The following DOK5 variants were observed in gnomAD, a reference collection of about 807,000 sequenced individuals.
DOK5 encodes the protein downstream of tyrosine kinase 5.
DOK5 carries 27 observed loss-of-function variants against 43.3 expected under a neutral mutation model. That is an observed-to-expected ratio of 0.62 (90% CI 0.46 to 0.86). DOK5 has a LOEUF of 0.86. Among genes scored for constraint, DOK5 ranks in the 40% least tolerant of loss-of-function variants. DOK5 has a pLI of 0.00. For missense variants in DOK5, 373 were observed against 392.9 expected (o/e 0.95, Z 0.43); for synonymous variants, 146 against 140.1 (o/e 1.04, Z -0.30).
At chr20:54,638,068 G>A (rs1978921302) in intron 6 of DOK5, among the ~76,000 whole-genome samples, 1 of 149,414 alleles carries the variant, frequency 6.7e-6, no homozygotes, top group South Asian at 2.1e-4. Context: ...CTTGCAGTGA[G>A]CCGAGATCAT....
rs143491762 is a variant in DOK5, at chr20:54,643,485, G to A, written c.763G>A (p.Ala255Thr). The change falls in exon 7 of 8, where the codon GCC (alanine) becomes ACC (threonine). Residue 255 changes from alanine to threonine, a missense_variant. Ala to Thr is a moderately conservative substitution (Grantham distance 58). Transcript: ENST00000262593. ...CCAGATGAAGATGAGTGAGCGGGCC[G>A]CCTCGCTGAGCACCATGGTGCCCCT... Reference protein sequence around the residue: ...MLQMKMSERAASLSTMVPLPR... With the variant: ...MLQMKMSERATSLSTMVPLPR... 667 of 1,613,544 alleles carry A rather than the reference G, an allele frequency of 4.1e-4. 1 individual carries two copies. The Middle Eastern group carries it at 5.1e-3, about 12-fold the overall frequency.
intron 1 of DOK5, among the ~76,000 whole-genome samples, chr20:54,501,520 C>G (rs1254085365): frequency 7.1e-6 from 1 of 141,388 alleles, no homozygotes; most frequent in Non-Finnish European, 1.5e-5. Context: ...AAAAATAAAT[C>G]TGGCAGTGGG....
chr20:54,480,275 C>T (rs760721388), intron 1 of DOK5, among the ~76,000 whole-genome samples: 4 of 150,620 alleles, frequency 2.7e-5, no homozygotes, highest in Non-Finnish European at 2.9e-5. Flanking sequence ...GATAGGAGGT[C>T]GGCACAAGAT....
chr20:54,579,348 G>A (rs776540282), intron 2 of DOK5, among the ~76,000 whole-genome samples: 11 of 150,440 alleles, frequency 7.3e-5, no homozygotes, highest in Non-Finnish European at 1.2e-4. Flanking sequence ...CCTAAAAGTT[G>A]TGTGTGTGCT....
chr20:54,481,027 C>G (rs1490521267), intron 1 of DOK5, among the ~76,000 whole-genome samples: 1,313 of 118,514 alleles, frequency 0.011, 24 homozygotes, highest in African/African-American at 0.019. Context: ...TATCTATCAT[C>G]TATCTATCAT....
chr20:54,585,298 TC>T (rs1729173511), intron 2 of DOK5, among the ~76,000 whole-genome samples: 1 of 152,192 alleles, frequency 6.6e-6, no homozygotes, highest in Admixed American at 6.6e-5. Flanking sequence ...CATTTGCTTC[TC>T]CTGAGCGGGG....
chr20:54,571,633 A>AG (rs1209110427), intron 2 of DOK5, among the ~76,000 whole-genome samples: 1 of 145,992 alleles, frequency 6.8e-6, no homozygotes, highest in African/African-American at 2.5e-5. Flanking sequence ...TCTCTGGGGA[A>AG]GGGGGGTGGG....
intron 5 of DOK5, among the ~76,000 whole-genome samples, chr20:54,610,133 A>C (rs1986598426): frequency 6.6e-6 from 1 of 152,148 alleles, no homozygotes; most frequent in African/African-American, 2.4e-5. Context: ...CTTTTTTTTA[A>C]AAAAAATTTC....
At chr20:54,582,639 A>G (rs1333970839) in intron 2 of DOK5, among the ~76,000 whole-genome samples, 2 of 151,408 alleles carry the variant, frequency 1.3e-5, no homozygotes, top group East Asian at 1.9e-4. Flanking sequence ...AAATTTATCT[A>G]CCTCTTCTAG....
At chr20:54,646,073 C>T (rs534151487) in intron 7 of DOK5, among the ~76,000 whole-genome samples, 81 of 152,066 alleles carry the variant, frequency 5.3e-4, no homozygotes, top group Non-Finnish European at 1.1e-3. Context: ...TGTCACAATG[C>T]CACTGATTCT....
intron 2 of DOK5, among the ~76,000 whole-genome samples, chr20:54,559,819 G>A (rs1044636021): frequency 3.9e-5 from 6 of 152,210 alleles, no homozygotes; most frequent in Non-Finnish European, 2.9e-5. Flanking sequence ...AACAACTAGG[G>A]ATGATCGTTT....
intron 6 of DOK5, among the ~76,000 whole-genome samples, chr20:54,642,879 C>A (rs1465786488): frequency 6.6e-6 from 1 of 152,022 alleles, no homozygotes; most frequent in Non-Finnish European, 1.5e-5. Context: ...TGGCTGTCTT[C>A]TTCTGAATGG....
At chr20:54,477,647 T>TAA (rs201764530) in intron 1 of DOK5, among the ~76,000 whole-genome samples, 178 of 140,062 alleles carry the variant, frequency 1.3e-3, no homozygotes, top group African/African-American at 4.2e-3. Flanking sequence ...GGAGTTAAGT[T>TAA]AAAAAAAAAA....
At chr20:54,528,162 G>A (rs986603424) in intron 1 of DOK5, among the ~76,000 whole-genome samples, 8 of 152,130 alleles carry the variant, frequency 5.3e-5, no homozygotes, top group Non-Finnish European at 5.9e-5. Flanking sequence ...AGCTGAGATC[G>A]TACCATTGCA....
chr20:54,482,673 T>C (rs1207970178), intron 1 of DOK5, among the ~76,000 whole-genome samples: 1 of 152,180 alleles, frequency 6.6e-6, no homozygotes, highest in East Asian at 1.9e-4. Flanking sequence ...ATTTTGGTAT[T>C]TTTAGTAGAG....
At chr20:54,545,647 T>C (rs1314316861) in intron 1 of DOK5, among the ~76,000 whole-genome samples, 1 of 152,258 alleles carries the variant, frequency 6.6e-6, no homozygotes, top group Non-Finnish European at 1.5e-5. Flanking sequence ...CTTGGCTTCC[T>C]GCACTTCTGT....
chr20:54,536,279 A>T (rs1036347148), intron 1 of DOK5, among the ~76,000 whole-genome samples: 1 of 152,214 alleles, frequency 6.6e-6, no homozygotes, highest in African/African-American at 2.4e-5. Context: ...TGAGTGCATC[A>T]GTGGCCTTAG....
chr20:54,603,324 G>T (rs534261768), intron 5 of DOK5, among the ~76,000 whole-genome samples: 1 of 152,338 alleles, frequency 6.6e-6, no homozygotes, highest in African/African-American at 2.4e-5. Context: ...ACACACACGG[G>T]GCACTAGGAG....
chr20:54,588,868 CAT>C, intron 4 of DOK5, 62 bp downstream of exon 4: 1 of 1,560,556 alleles, frequency 6.4e-7, no homozygotes, highest in Non-Finnish European at 8.7e-7. Flanking sequence ...TATGATAAAA[CAT>C]AAGACATCTT....
Sources: allele counts gnomAD v4.1 joint callset (sites outside exome capture counted in the v4.1 genomes callset), GRCh38; gene constraint gnomAD v4.1.1; transcripts MANE v1.5; gene names NCBI Gene and HGNC (gene_info 2026-07-23, HGNC 2026-07-21).